Variants in NRIP1 observed in about 807,000 individuals in gnomAD.
The protein encoded by NRIP1 is nuclear receptor interacting protein 1.
NRIP1 carries 28 observed loss-of-function variants against 75.0 expected under a neutral mutation model. The ratio of observed to expected loss-of-function variants is 0.37; its 90% CI spans 0.28 to 0.51. NRIP1 has a LOEUF of 0.51. Among genes scored for constraint, NRIP1 ranks in the 20% least tolerant of loss-of-function variants. The pLI is 0.92. For synonymous variants in NRIP1, 526 were observed against 487.6 expected (o/e 1.08, Z -1.04); for missense variants, 1,435 against 1,343.7 (o/e 1.07, Z -1.06).
chr21:15,009,812 G>T (rs1316477496), intron 3 of NRIP1, among the ~76,000 whole-genome samples: 1 of 152,180 alleles, frequency 6.6e-6, no homozygotes, highest in African/African-American at 2.4e-5. Context: ...TGTGGACTTA[G>T]ATTTTGTAGT....
intron 3 of NRIP1, among the ~76,000 whole-genome samples, chr21:14,987,069 C>T (rs974155609): frequency 6.6e-6 from 1 of 152,178 alleles, no homozygotes; most frequent in Admixed American, 6.5e-5. Flanking sequence ...TAGCTTATTT[C>T]TAAAAACCTC....
At chr21:15,033,492 C>T (rs970473987) in intron 2 of NRIP1, among the ~76,000 whole-genome samples, 14 of 152,064 alleles carry the variant, frequency 9.2e-5, no homozygotes, top group African/African-American at 3.4e-4. Context: ...AATCCATTTA[C>T]CCATAAACAC....
In NRIP1 at chr21:15,050,791, A is replaced by G. The variant is rs1434338200; in HGVS notation, c.-537-7217T>C. 6.6e-6 allele frequency: 3 copies of G among 455,958 alleles called. No homozygotes were observed. The Admixed American group carries it at 7.0e-5, about 11-fold the overall frequency. The allele number at this position is 455,958 out of a possible 1,614,324, so 28.2% of individuals were successfully genotyped here. A position where few individuals can be genotyped will look rare whatever the true frequency, so the allele number is the denominator to read the frequency against. ...AACGCTTAGAGAAGGCAAAGGACTCAGCGTGCCTTTCACATGCAAACTAAA... is the reference window on the plus strand; with the variant it reads ...AACGCTTAGAGAAGGCAAAGGACTCGGCGTGCCTTTCACATGCAAACTAAA... On this transcript the variant is annotated intron_variant, in intron 1 of 3. Coordinates refer to ENST00000318948, the MANE Select transcript of NRIP1 (RefSeq NM_003489.4).
In NRIP1 at chr21:14,962,415, A is replaced by G. The variant is rs2086616404; in HGVS notation, c.*2301T>C. 1 of 152,254 alleles carries G rather than the reference A, an allele frequency of 6.6e-6. No individual in the cohort carries two copies. The highest frequency in any genetic ancestry group is 2.4e-5 in the African/African-American group (1 of 41,332). 9.4% of individuals were successfully genotyped at this position (152,254 alleles called of 1,614,324 possible). On this transcript the variant is annotated 3_prime_UTR_variant, in exon 4 of 4. Coordinates refer to ENST00000318948, the MANE Select transcript of NRIP1 (RefSeq NM_003489.4). ...CGAAAACAACCAGCCAACCAAAAAAACAAAACAAAACCCACACACACACAC... is the reference window on the plus strand; with the variant it reads ...CGAAAACAACCAGCCAACCAAAAAAGCAAAACAAAACCCACACACACACAC...
chr21:15,015,289 TACAAAGAA>T (rs2088199150), intron 2 of NRIP1, among the ~76,000 whole-genome samples: 2 of 152,220 alleles, frequency 1.3e-5, no homozygotes, highest in East Asian at 3.8e-4. Context: ...AGGGAGGGAT[TACAAAGAA>T]ATATCATCTT....
At chr21:15,060,077 G>A (rs563922451) in intron 1 of NRIP1, among the ~76,000 whole-genome samples, 32 of 152,238 alleles carry the variant, frequency 2.1e-4, no homozygotes, top group Middle Eastern at 3.4e-3. Context: ...GCAAGATAGT[G>A]TAGGGATCAA....
intron 1 of NRIP1, among the ~76,000 whole-genome samples, chr21:15,062,471 C>CAT (rs1383600375): frequency 6.6e-6 from 1 of 152,196 alleles, no homozygotes; most frequent in Non-Finnish European, 1.5e-5. Flanking sequence ...AGTCTTTAAG[C>CAT]AATCAGAACT....
rs998360367 is a variant in NRIP1 at position 14,966,043 on chromosome 21, A to G, written c.2150T>C (p.Leu717Pro). 3.3e-5 allele frequency: 54 copies of G among 1,612,628 alleles called. No homozygotes were observed. The highest frequency in any genetic ancestry group is 4.6e-5 in the Non-Finnish European group (54 of 1,179,804). The change falls in exon 4 of 4, where the codon CTG (leucine) becomes CCG (proline). Residue 717 changes from leucine to proline, a missense_variant. Physicochemically the swap from Leu to Pro is moderately conservative, Grantham distance 98 (BLOSUM62 -3). Coordinates refer to ENST00000318948, the MANE Select transcript of NRIP1 (RefSeq NM_003489.4). ...LERRTVLQLL[L>P]GNPNKGKSEK... ...ACTCTTCCCTTTGTTGGGGTTCCCC[A>G]GGAGCAACTGGAGGACAGTACGTCT...
chr21:15,040,958 A>T (rs1263073730), intron 2 of NRIP1, among the ~76,000 whole-genome samples: 1 of 152,094 alleles, frequency 6.6e-6, no homozygotes, highest in African/African-American at 2.4e-5. Context: ...TATTACTCTA[A>T]ACACATGCAC....
At chr21:15,034,513 T>C (rs936687259) in intron 2 of NRIP1, among the ~76,000 whole-genome samples, 1 of 152,228 alleles carries the variant, frequency 6.6e-6, no homozygotes, top group African/African-American at 2.4e-5. Context: ...AAAAAATGAA[T>C]ATTATTATTG....
chr21:15,005,652 C>T (rs2087951060), intron 3 of NRIP1, among the ~76,000 whole-genome samples: 1 of 152,168 alleles, frequency 6.6e-6, no homozygotes, highest in African/African-American at 2.4e-5. Flanking sequence ...CTGCTCTTAG[C>T]AGGATCTGTG....
At chr21:15,016,575 A>G (rs1412441472) in intron 2 of NRIP1, among the ~76,000 whole-genome samples, 1 of 152,184 alleles carries the variant, frequency 6.6e-6, no homozygotes, top group Non-Finnish European at 1.5e-5. Context: ...GGAACAAGAA[A>G]GTACCCATAA....
intron 3 of NRIP1, among the ~76,000 whole-genome samples, chr21:14,979,911 T>C (rs2087184415): frequency 6.6e-6 from 1 of 152,152 alleles, no homozygotes; most frequent in East Asian, 1.9e-4. Flanking sequence ...ATGTGACAAT[T>C]TTAAAATTAA....
chr21:15,058,180 T>C (rs1025635899), intron 1 of NRIP1, among the ~76,000 whole-genome samples: 4 of 152,228 alleles, frequency 2.6e-5, no homozygotes, highest in African/African-American at 9.7e-5. Flanking sequence ...CTTGATTTAG[T>C]AGCAGAACCT....
chr21:15,016,014 AATAGC>A (rs1465344822), intron 2 of NRIP1, among the ~76,000 whole-genome samples: 2 of 152,226 alleles, frequency 1.3e-5, no homozygotes, highest in African/African-American at 4.8e-5. Flanking sequence ...CACCCTACTA[AATAGC>A]TGTGGGAAAG....
In NRIP1 at chr21:15,028,850, T is replaced by C. The variant is rs375119398; in HGVS notation, c.-457-14384A>G. Among the ~76,000 whole-genome samples, 96 of 152,298 alleles carry C rather than the reference T, an allele frequency of 6.3e-4. No individual in the cohort carries two copies. In the South Asian group the frequency reaches 0.019, roughly 31 times the overall value. On this transcript the variant is annotated intron_variant, in intron 2 of 3. Transcript: ENST00000318948. The stretch of plus-strand genomic sequence containing the variant: ...AAAAAATATACATTGGTCCAAAAAG[T>C]ATTTATATAAACAAGTGTTTATCTG...
intron 3 of NRIP1, among the ~76,000 whole-genome samples, chr21:14,977,152 T>C (rs2087095001): frequency 3.3e-5 from 5 of 152,168 alleles, no homozygotes. Flanking sequence ...TGTGGATAAT[T>C]TCAGGGGTAT....
intron 3 of NRIP1, chr21:14,992,811 A>T (rs2087611147): frequency 6.6e-6 from 1 of 152,238 alleles, no homozygotes; most frequent in Non-Finnish European, 1.5e-5. Context: ...GCTGTCCCAT[A>T]TGTTCAGAAT....
intron 1 of NRIP1, chr21:15,052,435 C>T (rs898803454): frequency 2.0e-5 from 3 of 152,128 alleles, no homozygotes; most frequent in African/African-American, 7.2e-5. Flanking sequence ...TCCCACACAT[C>T]AAAACTTCCT....
Sources: allele counts gnomAD v4.1 joint callset (sites outside exome capture counted in the v4.1 genomes callset), GRCh38; gene constraint gnomAD v4.1.1; transcripts MANE v1.5; gene names NCBI Gene and HGNC (gene_info 2026-07-23, HGNC 2026-07-21).